The following CATSPERE variants were observed in gnomAD, a reference collection of about 807,000 sequenced individuals.
CATSPERE encodes cation channel sperm-associated auxiliary subunit epsilon.
CATSPERE carries 93 observed loss-of-function variants against 114.1 expected under a neutral mutation model. That is an observed-to-expected ratio of 0.81 (90% CI 0.69 to 0.97). The LOEUF is 0.97. Ranked by LOEUF, CATSPERE falls within the 50% of genes least tolerant of loss-of-function variation. CATSPERE has a pLI of 0.00. For missense variants in CATSPERE, 1,058 were observed against 1,131.6 expected (o/e 0.93, Z 0.93); for synonymous variants, 341 against 384.1 (o/e 0.89, Z 1.31).
chr1:244,508,964 A>G (rs1449968919), intron 7 of CATSPERE, among the ~76,000 whole-genome samples: 3 of 147,028 alleles, frequency 2.0e-5, no homozygotes. Flanking sequence ...TCTGAGTGAG[A>G]TTCTGTGCCC....
intron 20 of CATSPERE, among the ~76,000 whole-genome samples, chr1:244,624,485 T>C (rs1045610576): frequency 6.6e-6 from 1 of 152,128 alleles, no homozygotes; most frequent in Non-Finnish European, 1.5e-5. Context: ...TGACAGCAAC[T>C]TCACTAGGAT....
At chr1:244,524,961 C>A (rs1161510400) in intron 8 of CATSPERE, among the ~76,000 whole-genome samples, 1 of 146,374 alleles carries the variant, frequency 6.8e-6, no homozygotes, top group African/African-American at 2.7e-5. Context: ...ACTAGAAATA[C>A]CATTTGACCC....
chr1:244,503,170 A>G (rs1674335176), intron 7 of CATSPERE, among the ~76,000 whole-genome samples: 1 of 152,164 alleles, frequency 6.6e-6, no homozygotes, highest in African/African-American at 2.4e-5. Context: ...GTGTTGAATA[A>G]GTAAGTAATC....
At chr1:244,589,774 C>T (rs1667486739) in intron 14 of CATSPERE, among the ~76,000 whole-genome samples, 1 of 152,182 alleles carries the variant, frequency 6.6e-6, no homozygotes, top group African/African-American at 2.4e-5. Context: ...CAGCTTGAAG[C>T]AGTCTGTTTC....
At chr1:244,529,789 C>G (rs1284114367) in intron 8 of CATSPERE, among the ~76,000 whole-genome samples, 2 of 152,032 alleles carry the variant, frequency 1.3e-5, no homozygotes, top group Non-Finnish European at 2.9e-5. Context: ...GAAATCTTTG[C>G]CCACTCCAAT....
intron 5 of CATSPERE, among the ~76,000 whole-genome samples, chr1:244,483,643 G>A (rs12751573): frequency 0.13 from 19,092 of 151,978 alleles, 1,536 homozygotes; most frequent in Middle Eastern, 0.18. Context: ...TAAGTATTTT[G>A]ATCCACTTTT....
chr1:244,565,637 C>A (rs1254248271), intron 10 of CATSPERE, among the ~76,000 whole-genome samples: 1 of 151,906 alleles, frequency 6.6e-6, no homozygotes, highest in Non-Finnish European at 1.5e-5. Context: ...TCTCTCCTTT[C>A]TTCTTTATTA....
intron 20 of CATSPERE, among the ~76,000 whole-genome samples, chr1:244,630,349 G>C (rs1021662247): frequency 6.6e-6 from 1 of 152,212 alleles, no homozygotes; most frequent in Non-Finnish European, 1.5e-5. Flanking sequence ...ATATATTTAA[G>C]TATCTGGAAT....
chr1:244,555,879 C>T (rs893522297), intron 9 of CATSPERE, among the ~76,000 whole-genome samples: 3 of 152,084 alleles, frequency 2.0e-5, no homozygotes, highest in African/African-American at 7.2e-5. Flanking sequence ...TGTGAAAGAT[C>T]TCTGCAAGGA....
chr1:244,477,716 TTTCA>T, intron 3 of CATSPERE, 102 bp downstream of exon 3: 3 of 1,009,922 alleles, frequency 3.0e-6, no homozygotes, highest in South Asian at 3.1e-5. Context: ...ATAAATTTTC[TTTCA>T]TTAAGTAGAT....
intron 8 of CATSPERE, among the ~76,000 whole-genome samples, chr1:244,523,190 A>G (rs1677898533): frequency 6.7e-6 from 1 of 149,758 alleles, no homozygotes; most frequent in South Asian, 2.1e-4. Flanking sequence ...ATATACGCAA[A>G]TCAATAAATG....
At chr1:244,616,417 G>A (rs1036405291) in intron 19 of CATSPERE, among the ~76,000 whole-genome samples, 2 of 152,192 alleles carry the variant, frequency 1.3e-5, no homozygotes, top group Admixed American at 6.5e-5. Context: ...AGTACATTTT[G>A]TGCTGCTATA....
chr1:244,454,803 G>A (rs1665980050), intron 1 of CATSPERE, among the ~76,000 whole-genome samples: 1 of 152,076 alleles, frequency 6.6e-6, no homozygotes, highest in African/African-American at 2.4e-5. Flanking sequence ...GTGGATAGAT[G>A]GGTGTCACAG....
intron 8 of CATSPERE, among the ~76,000 whole-genome samples, chr1:244,532,289 C>G (rs904830092): frequency 3.3e-5 from 5 of 151,700 alleles, no homozygotes; most frequent in African/African-American, 1.2e-4. Flanking sequence ...GTATTGCCTT[C>G]TTCATTTCAA....
At chr1:244,630,002 TATC>T (rs1673723212) in intron 20 of CATSPERE, among the ~76,000 whole-genome samples, 1 of 152,214 alleles carries the variant, frequency 6.6e-6, no homozygotes, top group Non-Finnish European at 1.5e-5. Flanking sequence ...CCAGGTCATG[TATC>T]ATCAATATAG....
chr1:244,466,967 C>A (rs925403246), intron 2 of CATSPERE, among the ~76,000 whole-genome samples: 1 of 152,140 alleles, frequency 6.6e-6, no homozygotes, highest in Admixed American at 6.5e-5. Context: ...GATTTTCAGT[C>A]GTTCAGAACC....
intron 20 of CATSPERE, among the ~76,000 whole-genome samples, chr1:244,628,942 T>C (rs2148740122): frequency 6.6e-6 from 1 of 152,246 alleles, no homozygotes; most frequent in South Asian, 2.1e-4. Context: ...CATGACAGAG[T>C]TCATTTGAGC....
chr1:244,524,284 T>C (rs1292464955), intron 8 of CATSPERE, among the ~76,000 whole-genome samples: 4 of 150,124 alleles, frequency 2.7e-5, no homozygotes, highest in Non-Finnish European at 5.9e-5. Context: ...TGGCTAGCCA[T>C]ATGTAGAAAG....
chr1:244,598,190 T>C (rs1317265999), intron 17 of CATSPERE, among the ~76,000 whole-genome samples: 1 of 152,218 alleles, frequency 6.6e-6, no homozygotes, highest in African/African-American at 2.4e-5. Context: ...CTCAATCATA[T>C]CTGTAGAAGG....
Sources: gnomAD v4.1 joint callset for allele counts (sites outside exome capture counted in the v4.1 genomes callset) on GRCh38, gnomAD v4.1.1 for gene constraint, MANE v1.5 for transcripts, NCBI Gene and HGNC (gene_info 2026-07-23, HGNC 2026-07-21) for gene names.